Variants in LINGO2 observed in about 807,000 individuals in gnomAD.
LINGO2 encodes leucine-rich repeat and immunoglobulin-like domain-containing nogo receptor-interacting protein 2.
Under a neutral mutation model 30.6 loss-of-function variants are expected in LINGO2, and 14 were observed. The ratio of observed to expected loss-of-function variants is 0.46; its 90% CI spans 0.30 to 0.72. The LOEUF (loss-of-function observed/expected upper bound fraction) is 0.72. LINGO2 is among the 30% of genes least tolerant of loss of function. The pLI, the probability that LINGO2 is intolerant of heterozygous loss-of-function variation, is 0.07. For synonymous variants in LINGO2, 317 were observed against 288.5 expected, an observed-to-expected ratio of 1.10 and a Z score of -1.00; for missense variants, 729 against 751.7, an observed-to-expected ratio of 0.97 and a Z score of 0.35.
At chr9:28,848,409 A>G in the LINGO2 span, among the ~76,000 whole-genome samples, 272 of 121,688 alleles carry the variant, frequency 2.2e-3, 1 homozygote, top group Middle Eastern at 8.7e-3. Flanking sequence ...ATATATATAT[A>G]TATATATATA....
intron 2 of LINGO2, among the ~76,000 whole-genome samples, chr9:28,410,717 G>A (rs1010973339): frequency 2.0e-5 from 3 of 152,004 alleles, no homozygotes; most frequent in Non-Finnish European, 2.9e-5. Flanking sequence ...ACGCAATAAG[G>A]GGGAAGTGCA....
At chr9:28,219,909 G>T (rs1389727671) in intron 4 of LINGO2, among the ~76,000 whole-genome samples, 1 of 152,100 alleles carries the variant, frequency 6.6e-6, no homozygotes, top group Non-Finnish European at 1.5e-5. Context: ...ATCTATATAT[G>T]CTGATTCAAC....
chr9:28,314,430 T>C lies in LINGO2; in HGVS notation c.-245-19064A>G, dbSNP rs10968494. Among the ~76,000 whole-genome samples, 2,460 of 152,272 alleles carry C rather than the reference T, an allele frequency of 0.016. 144 individuals carry two copies. The East Asian group carries it at 0.2, about 12-fold the overall frequency. On this transcript the variant is annotated intron_variant, in intron 3 of 5. Coordinates refer to ENST00000379992, the Ensembl canonical transcript of LINGO2. The stretch of plus-strand genomic sequence containing the variant: ...TTAGAGGAGAAAAGGAGCTTAACCC[T>C]GTACTCTAACACCTTCCTTCCACCT...
chr9:29,082,747 T>G, the LINGO2 span, among the ~76,000 whole-genome samples: 1 of 151,440 alleles, frequency 6.6e-6, no homozygotes, highest in Non-Finnish European at 1.5e-5. Context: ...AAAAAAACAA[T>G]CAAACCCATC....
the LINGO2 span, among the ~76,000 whole-genome samples, chr9:29,095,821 T>C: frequency 2.2e-5 from 3 of 138,664 alleles, no homozygotes. Flanking sequence ...ATTCATTAAA[T>C]AGGAGTAACA....
the LINGO2 span, among the ~76,000 whole-genome samples, chr9:29,081,365 G>T: frequency 0.2 from 29,932 of 151,884 alleles, 3,069 homozygotes; most frequent in African/African-American, 0.24. Flanking sequence ...GAAAAGGCTT[G>T]TGAAAAAATT....
At chr9:28,870,393 T>C in the LINGO2 span, among the ~76,000 whole-genome samples, 1 of 152,022 alleles carries the variant, frequency 6.6e-6, no homozygotes, top group African/African-American at 2.4e-5. Context: ...TTCTTGCATT[T>C]CTCCTCCTAG....
chr9:28,994,399 C>T, the LINGO2 span, among the ~76,000 whole-genome samples: 10 of 152,068 alleles, frequency 6.6e-5, no homozygotes, highest in African/African-American at 2.4e-4. Flanking sequence ...ACATTCCATG[C>T]TTATGGGTAG....
chr9:28,483,189 T>C (rs1003886877), intron 1 of LINGO2, among the ~76,000 whole-genome samples: 6 of 152,088 alleles, frequency 3.9e-5, no homozygotes, highest in African/African-American at 9.7e-5. Context: ...TCTCCTTAAC[T>C]CTATTATCAT....
At chr9:28,015,813 T>C (rs1299854820) in intron 4 of LINGO2, among the ~76,000 whole-genome samples, 2 of 152,120 alleles carry the variant, frequency 1.3e-5, no homozygotes, top group African/African-American at 4.8e-5. Context: ...TTTTTAGTTA[T>C]TAATTTGTTC....
At chr9:28,748,837 A>G in the LINGO2 span, among the ~76,000 whole-genome samples, 2,534 of 152,108 alleles carry the variant, frequency 0.017, 103 homozygotes, top group African/African-American at 0.058. Context: ...GTAAAATACT[A>G]TAAGATTAAC....
intron 4 of LINGO2, among the ~76,000 whole-genome samples, chr9:28,218,045 G>C (rs1820829602): frequency 6.6e-6 from 1 of 150,824 alleles, no homozygotes; most frequent in East Asian, 1.9e-4. Context: ...CAGAGATGAA[G>C]ATCAAGTTAT....
At chr9:28,363,457 C>G (rs1419854219) in intron 3 of LINGO2, among the ~76,000 whole-genome samples, 1 of 152,162 alleles carries the variant, frequency 6.6e-6, no homozygotes, top group African/African-American at 2.4e-5. Flanking sequence ...ATATCTCTAA[C>G]TTATCTTTGG....
Position 28,662,184 on chromosome 9 carries a change from G to C in LINGO2, c.-365+8016C>G, listed in dbSNP as rs151186687. On this transcript the variant is annotated intron_variant, in intron 1 of 5. Transcript: ENST00000379992. ...CATAAAAAGATTCCAAGGATGCTAG[G>C]TGTCACACAACAGTAGGGCAAAATG... Among the ~76,000 whole-genome samples the C allele has an allele frequency of 1.6e-3, 239 of 152,212 alleles. 2 individuals carry two copies. The highest frequency in any genetic ancestry group is 9.8e-3 in the East Asian group (51 of 5,186).
the LINGO2 span, among the ~76,000 whole-genome samples, chr9:29,178,215 C>G: frequency 6.6e-6 from 1 of 151,790 alleles, no homozygotes; most frequent in African/African-American, 2.4e-5. Flanking sequence ...ACCAGCACGC[C>G]CAGCTATTTT....
chr9:28,678,876 C>T, the LINGO2 span, among the ~76,000 whole-genome samples: 1 of 152,136 alleles, frequency 6.6e-6, no homozygotes, highest in Non-Finnish European at 1.5e-5. Flanking sequence ...AAACTCATTA[C>T]ATATTTATTT....
chr9:28,295,505 AT>A (rs1823891247), intron 3 of LINGO2, 139 bp from the exon 6 acceptor site: 1 of 152,552 alleles, frequency 6.6e-6, no homozygotes, highest in African/African-American at 2.4e-5. Context: ...CAAGATGCTG[AT>A]AAACATTAAA....
intron 1 of LINGO2, among the ~76,000 whole-genome samples, chr9:28,481,301 T>C (rs903458237): frequency 6.6e-6 from 1 of 152,172 alleles, no homozygotes; most frequent in East Asian, 1.9e-4. Context: ...AATTGAAACA[T>C]GGAGATGTTA....
intron 4 of LINGO2, among the ~76,000 whole-genome samples, chr9:28,225,544 A>G (rs773509221): frequency 3.9e-5 from 6 of 152,122 alleles, no homozygotes; most frequent in African/African-American, 1.4e-4. Flanking sequence ...AGTGAAAATT[A>G]AAATTTCTTA....
Sources: gnomAD v4.1 joint callset for allele counts (sites outside exome capture counted in the v4.1 genomes callset) on GRCh38, gnomAD v4.1.1 for gene constraint, MANE v1.5 for transcripts, NCBI Gene and HGNC (gene_info 2026-07-23, HGNC 2026-07-21) for gene names.